Variants in FBXO38 observed in about 807,000 individuals in gnomAD.
The protein encoded by FBXO38 is F-box only protein 38.
FBXO38 carries 53 observed loss-of-function variants against 131.9 expected under a neutral mutation model. The ratio of observed to expected loss-of-function variants is 0.40; its 90% CI spans 0.32 to 0.51. FBXO38 has a LOEUF of 0.51. Among genes scored for constraint, FBXO38 ranks in the 20% least tolerant of loss-of-function variants. FBXO38 has a pLI of 0.53. For synonymous variants in FBXO38, 452 were observed against 505.6 expected, an observed-to-expected ratio of 0.89 and a Z score of 1.42; for missense variants, 1,076 against 1,475.6, an observed-to-expected ratio of 0.73 and a Z score of 4.44.
intron 1 of FBXO38, among the ~76,000 whole-genome samples, chr5:148,389,379 C>T (rs1353372735): frequency 6.6e-6 from 1 of 152,192 alleles, no homozygotes; most frequent in African/African-American, 2.4e-5. Context: ...TTGTGAAAGA[C>T]ACATTATCTT....
Position 148,416,052 on chromosome 5 carries a change from G to A in FBXO38, c.1389G>A (p.Met463Ile). The change falls in exon 11 of 22, where the codon ATG becomes ATA. Residue 463 changes from methionine (M) to isoleucine (I), a missense_variant. Met to Ile is a conservative substitution (Grantham distance 10). Transcript: ENST00000340253. ...TAGAGTTTATTTCACTGGATCAGATGTTTCGTGAACCACCCAAGGTAAGAT... is the reference window on the plus strand; with the variant it reads ...TAGAGTTTATTTCACTGGATCAGATATTTCGTGAACCACCCAAGGTAAGAT... ...PSLEFISLDQ[M>I]FREPPKGCAR... is the part of the protein sequence containing the mutation. 1 of 1,602,386 alleles carries A rather than the reference G, an allele frequency of 6.2e-7. No homozygotes were observed. Among genetic ancestry groups the A allele is most frequent in the East Asian group, 2.2e-5 (1 of 44,488 alleles).
At chr5:148,418,371 C>T (rs1251024946) in intron 12 of FBXO38, among the ~76,000 whole-genome samples, 1 of 152,072 alleles carries the variant, frequency 6.6e-6, no homozygotes. Flanking sequence ...GTTTTAGTAC[C>T]AACTATATGG....
rs756650989 is a variant in FBXO38, at chr5:148,399,140, G to A, written c.262+8G>A. 8 of 1,612,564 alleles carry A rather than the reference G, an allele frequency of 5.0e-6. No homozygotes were observed. The South Asian group carries it at 5.5e-5, about 11-fold the overall frequency. On this transcript the variant is annotated splice_region_variant and intron_variant, in intron 3 of 21. Coordinates refer to ENST00000340253, the MANE Select transcript of FBXO38 (RefSeq NM_205836.3). ...GGGAATACATGCCAAGTGGTAAGTGGATTTAGTCTGTGAAGTACAGTAGTG... is the reference window on the plus strand; with the variant it reads ...GGGAATACATGCCAAGTGGTAAGTGAATTTAGTCTGTGAAGTACAGTAGTG...
intron 1 of FBXO38, among the ~76,000 whole-genome samples, chr5:148,391,712 A>G (rs982457507): frequency 5.3e-5 from 8 of 152,150 alleles, no homozygotes; most frequent in African/African-American, 1.9e-4. Context: ...TTGTAGGCCG[A>G]TTGTTTTGTT....
At chr5:148,405,526 C>T (rs2113544926) in intron 6 of FBXO38, among the ~76,000 whole-genome samples, 1 of 152,260 alleles carries the variant, frequency 6.6e-6, no homozygotes, top group Non-Finnish European at 1.5e-5. Context: ...ACCAGGACCC[C>T]TCTTGATAAC....
At chr5:148,392,156 A>G (rs1349995682) in intron 1 of FBXO38, among the ~76,000 whole-genome samples, 2 of 152,162 alleles carry the variant, frequency 1.3e-5, no homozygotes, top group African/African-American at 4.8e-5. Flanking sequence ...CTCGACCCTG[A>G]GGATACAGTG....
In FBXO38 at chr5:148,424,048, G is replaced by A. The variant is rs556139503; in HGVS notation, c.1669G>A (p.Glu557Lys). The A allele has an allele frequency of 6.1e-5, 99 of 1,613,596 alleles. No individual in the cohort carries two copies. Among genetic ancestry groups the A allele is most frequent in the Non-Finnish European group, 8.2e-5 (97 of 1,179,660 alleles). Residue 557 changes from glutamate (E) to lysine (K), a missense_variant, in exon 13 of 22, where the codon GAG becomes AAG. By Grantham distance (56) the Glu-to-Lys change is moderately conservative (BLOSUM62 1). Coordinates refer to ENST00000340253, the MANE Select transcript of FBXO38 (RefSeq NM_205836.3). ...CCAAGAAGATGGAGAGGTGGTGGCC[G>A]AGAGTGGAAATAATACTCCAGCTCA... ...IVQEDGEVVAESGNNTPAHSQ... is the reference protein window; with the variant it reads ...IVQEDGEVVAKSGNNTPAHSQ...
intron 1 of FBXO38, among the ~76,000 whole-genome samples, chr5:148,392,536 G>A (rs1258700887): frequency 6.6e-6 from 1 of 151,780 alleles, no homozygotes; most frequent in Non-Finnish European, 1.5e-5. Context: ...GAGCTCAGGA[G>A]AGGTAAGAAG....
chr5:148,391,125 AATCTGAT>A (rs1758175196), intron 1 of FBXO38, among the ~76,000 whole-genome samples: 1 of 152,156 alleles, frequency 6.6e-6, no homozygotes, highest in Non-Finnish European at 1.5e-5. Flanking sequence ...ACTGCAGTAA[AATCTGAT>A]TGCATTATTG....
At chr5:148,411,681 C>G (rs191527998) in intron 9 of FBXO38, among the ~76,000 whole-genome samples, 1 of 152,184 alleles carries the variant, frequency 6.6e-6, no homozygotes, top group Middle Eastern at 3.4e-3. Context: ...TAGGTGATTA[C>G]TTTAAAAAGT....
chr5:148,434,790 T>C (rs751144531), intron 17 of FBXO38: 55 of 152,204 alleles, frequency 3.6e-4, no homozygotes, highest in African/African-American at 1.3e-3. Flanking sequence ...TTACGTGCCT[T>C]AATTTAAAAA....
rs59691479 is a variant in FBXO38 at position 148,416,791 on chromosome 5, G to A, written c.1408-203G>A. ...CTTCTCCTTGCATGACTCCTCATCT[G>A]TAAATCAAGCCAGTAACCCTTTATC... On this transcript the variant is annotated intron_variant, in intron 11 of 21. Coordinates refer to ENST00000340253, the MANE Select transcript of FBXO38 (RefSeq NM_205836.3). 30,169 of 549,960 alleles carry A rather than the reference G, an allele frequency of 0.055. 2,008 individuals carry two copies. Among genetic ancestry groups the A allele is most frequent in the East Asian group, 0.21 (6,925 of 32,672 alleles). 34.1% of individuals were successfully genotyped at this position (549,960 alleles called of 1,614,324 possible).
At chr5:148,420,522 A>G (rs368351183) in intron 12 of FBXO38, among the ~76,000 whole-genome samples, 1 of 152,158 alleles carries the variant, frequency 6.6e-6, no homozygotes, top group South Asian at 2.1e-4. Flanking sequence ...TTTTTATGTA[A>G]CTACTTTCTA....
intron 1 of FBXO38, among the ~76,000 whole-genome samples, chr5:148,392,149 G>A (rs368100572): frequency 1.4e-4 from 21 of 152,100 alleles, no homozygotes; most frequent in African/African-American, 4.6e-4. Flanking sequence ...GCTTTTCCTC[G>A]ACCCTGAGGA....
chr5:148,415,127 C>T (rs1010243692), intron 10 of FBXO38, among the ~76,000 whole-genome samples: 1 of 152,106 alleles, frequency 6.6e-6, no homozygotes, highest in African/African-American at 2.4e-5. Flanking sequence ...ATCCCTGGCC[C>T]TGCTGAACCA....
intron 1 of FBXO38, among the ~76,000 whole-genome samples, chr5:148,386,845 A>G (rs549939109): frequency 1.3e-5 from 2 of 152,360 alleles, no homozygotes; most frequent in South Asian, 4.1e-4. Flanking sequence ...AGTATAATCT[A>G]TCAAGTGTGC....
At chr5:148,406,199 T>C (rs1040436644) in intron 6 of FBXO38, 58 bp from the exon 7 acceptor site, 3 of 1,444,634 alleles carry the variant, frequency 2.1e-6, no homozygotes, top group East Asian at 4.9e-5. Context: ...TTCACTGATT[T>C]GAAATTCATT....
chr5:148,427,109 T>C lies in FBXO38; in HGVS notation c.1919-104T>C. On this transcript the variant is annotated intron_variant, in intron 14 of 21. Transcript: ENST00000340253. ...GTTATACTTTAGGAAAATTAGTGTT[T>C]AGTATACATTATTTCCTGTTCCAAA... 3 of 1,304,092 alleles carry C rather than the reference T, an allele frequency of 2.3e-6. No individual in the cohort carries two copies. In the South Asian group the frequency reaches 4.6e-5, roughly 20 times the overall value. 80.8% of individuals were successfully genotyped at this position (1,304,092 alleles called of 1,614,324 possible).
At chr5:148,433,869 C>T (rs955879300) in intron 17 of FBXO38, 132 bp downstream of exon 17, 29 of 514,948 alleles carry the variant, frequency 5.6e-5, no homozygotes, top group Middle Eastern at 1.1e-3. Context: ...TCTTTAGTTC[C>T]GCCTTTGTTC....
Sources: allele counts gnomAD v4.1 joint callset (sites outside exome capture counted in the v4.1 genomes callset), GRCh38; gene constraint gnomAD v4.1.1; transcripts MANE v1.5; gene names NCBI Gene and HGNC (gene_info 2026-07-23, HGNC 2026-07-21).